Variants in FHIT observed in about 807,000 individuals in gnomAD.
FHIT encodes the protein fragile histidine triad diadenosine triphosphatase, also known as bis(5'-adenosyl)-triphosphatase.
A neutral mutation model predicts 17.9 loss-of-function variants in FHIT; 19 were observed. The ratio of observed to expected loss-of-function variants is 1.06; its 90% CI spans 0.74 to 1.56. FHIT has a LOEUF of 1.56. Ranked by LOEUF, FHIT falls within the 40% of genes most tolerant of loss-of-function variation. The pLI, the probability that FHIT is intolerant of heterozygous loss-of-function variation, is 0.00. For synonymous variants in FHIT, 81 were observed against 69.7 expected (o/e 1.16, Z -0.81); for missense variants, 248 against 189.2 (o/e 1.31, Z -1.82).
At chr3:60,704,685 T>C (rs1422217143) in intron 4 of FHIT, among the ~76,000 whole-genome samples, 1 of 152,328 alleles carries the variant, frequency 6.6e-6, no homozygotes, top group South Asian at 2.1e-4. Flanking sequence ...CCATTCTATT[T>C]GGATTTTAAA....
At chr3:60,399,046 G>A (rs999018594) in intron 5 of FHIT, among the ~76,000 whole-genome samples, 1 of 151,974 alleles carries the variant, frequency 6.6e-6, no homozygotes, top group Non-Finnish European at 1.5e-5. Flanking sequence ...CTATTTTTGG[G>A]CCAGATAATC....
chr3:59,903,875 C>T (rs1216990234), intron 8 of FHIT, among the ~76,000 whole-genome samples: 5 of 152,032 alleles, frequency 3.3e-5, no homozygotes, highest in African/African-American at 1.2e-4. Flanking sequence ...GAAGCATAGG[C>T]CAAGATGTTT....
chr3:60,105,726 C>T (rs367674137), intron 5 of FHIT, among the ~76,000 whole-genome samples: 27 of 150,378 alleles, frequency 1.8e-4, no homozygotes, highest in African/African-American at 5.1e-4. Flanking sequence ...CCCAAATTTC[C>T]GACTCCAAAT....
intron 5 of FHIT, among the ~76,000 whole-genome samples, chr3:60,349,427 AAAC>A (rs1316950400): frequency 1.3e-5 from 2 of 152,182 alleles, no homozygotes; most frequent in African/African-American, 4.8e-5. Flanking sequence ...GGACGAATAT[AAAC>A]AATTTGGATT....
Position 59,836,430 on chromosome 3 carries a change from T to C in FHIT, c.349-84109A>G, listed in dbSNP as rs545566296. Among the ~76,000 whole-genome samples the C allele has an allele frequency of 2.6e-5, 4 of 152,304 alleles. No individual in the cohort carries two copies. In the East Asian group the frequency reaches 7.7e-4, roughly 29 times the overall value. On this transcript the variant is annotated intron_variant, in intron 8 of 9. Coordinates refer to ENST00000492590, the MANE Select transcript of FHIT (RefSeq NM_002012.4). The stretch of plus-strand genomic sequence containing the variant: ...ATAAGTGGCAGCTGGCTGGCAAGGA[T>C]GTCAGATGCAGAAGTACCCAGAAAA...
intron 2 of FHIT, among the ~76,000 whole-genome samples, chr3:61,122,349 T>C (rs906800843): frequency 3.9e-5 from 6 of 152,182 alleles, no homozygotes; most frequent in African/African-American, 7.2e-5. Flanking sequence ...TATACAAAAA[T>C]TAACTCAAGA....
At chr3:61,193,100 A>T (rs559026722) in intron 2 of FHIT, among the ~76,000 whole-genome samples, 1 of 152,336 alleles carries the variant, frequency 6.6e-6, no homozygotes, top group South Asian at 2.1e-4. Context: ...TTTTCAAAAA[A>T]GCCTAAATTC....
chr3:60,219,591 G>C (rs1183559544), intron 5 of FHIT, among the ~76,000 whole-genome samples: 1 of 152,122 alleles, frequency 6.6e-6, no homozygotes, highest in East Asian at 1.9e-4. Context: ...TAAACAGACA[G>C]AGGGCTGTAA....
intron 5 of FHIT, among the ~76,000 whole-genome samples, chr3:60,114,700 G>A (rs1230981189): frequency 6.6e-6 from 1 of 151,654 alleles, no homozygotes; most frequent in Non-Finnish European, 1.5e-5. Context: ...CACCGTCTTT[G>A]CCAGGCTGGT....
At chr3:61,153,322 A>G (rs922245952) in intron 2 of FHIT, among the ~76,000 whole-genome samples, 6 of 152,224 alleles carry the variant, frequency 3.9e-5, no homozygotes, top group Non-Finnish European at 7.3e-5. Context: ...CTAAGTGAGC[A>G]TATCAATTGT....
intron 5 of FHIT, among the ~76,000 whole-genome samples, chr3:60,453,196 AT>A (rs10718750): frequency 0.4 from 59,204 of 148,692 alleles, 12,872 homozygotes; most frequent in African/African-American, 0.6. Context: ...GCCTGAGCAG[AT>A]TTTTTTTTTT....
At chr3:60,959,222 G>A (rs1435246267) in intron 3 of FHIT, among the ~76,000 whole-genome samples, 5 of 152,180 alleles carry the variant, frequency 3.3e-5, no homozygotes, top group African/African-American at 1.2e-4. Context: ...GTCAGCGGCT[G>A]TGATTTCATG....
At chr3:60,954,298 T>TG (rs1347033293) in intron 3 of FHIT, among the ~76,000 whole-genome samples, 2 of 152,240 alleles carry the variant, frequency 1.3e-5, no homozygotes, top group Non-Finnish European at 2.9e-5. Context: ...TATTTACACT[T>TG]GGCAGCTACT....
At chr3:60,593,284 A>G (rs1295962358) in intron 4 of FHIT, among the ~76,000 whole-genome samples, 1 of 152,132 alleles carries the variant, frequency 6.6e-6, no homozygotes, top group African/African-American at 2.4e-5. Flanking sequence ...ACTAGCCTGC[A>G]AAAAAGTATT....
At chr3:60,058,588 G>A (rs987198236) in intron 5 of FHIT, among the ~76,000 whole-genome samples, 1 of 152,110 alleles carries the variant, frequency 6.6e-6, no homozygotes, top group Non-Finnish European at 1.5e-5. Flanking sequence ...ACACAAAAAT[G>A]TTCCCTGCTT....
intron 4 of FHIT, among the ~76,000 whole-genome samples, chr3:60,579,255 C>G (rs1553658852): frequency 6.6e-6 from 1 of 152,108 alleles, no homozygotes; most frequent in Non-Finnish European, 1.5e-5. Context: ...TATGCTGTAA[C>G]CTATTGCTTT....
At chr3:60,109,551 T>C (rs1450864707) in intron 5 of FHIT, among the ~76,000 whole-genome samples, 1 of 152,038 alleles carries the variant, frequency 6.6e-6, no homozygotes, top group Non-Finnish European at 1.5e-5. Flanking sequence ...GGCCTCCAAA[T>C]CCCAACAGGT....
At chr3:60,631,441 A>G (rs1475123282) in intron 4 of FHIT, among the ~76,000 whole-genome samples, 1 of 152,132 alleles carries the variant, frequency 6.6e-6, no homozygotes, top group Non-Finnish European at 1.5e-5. Flanking sequence ...CATCTAGGGG[A>G]TCCATGCAGA....
intron 5 of FHIT, among the ~76,000 whole-genome samples, chr3:60,321,142 G>A (rs925971616): frequency 5.3e-5 from 8 of 152,078 alleles, no homozygotes; most frequent in African/African-American, 1.7e-4. Flanking sequence ...TATTTACTAC[G>A]TGCTTCCCAC....
Sources: gnomAD v4.1 joint callset for allele counts (sites outside exome capture counted in the v4.1 genomes callset) on GRCh38, gnomAD v4.1.1 for gene constraint, MANE v1.5 for transcripts, NCBI Gene and HGNC (gene_info 2026-07-23, HGNC 2026-07-21) for gene names.